Variants in ZNF878 observed in about 807,000 individuals in gnomAD.
The protein encoded by ZNF878 is zinc finger protein 878.
Under a neutral mutation model 11.1 loss-of-function variants are expected in ZNF878, and 10 were observed. The observed-to-expected ratio is 0.90, with a 90% confidence interval of 0.56 to 1.53. The LOEUF (loss-of-function observed/expected upper bound fraction) is 1.53, where lower values mean the gene tolerates loss of function less well. Among genes scored for constraint, ZNF878 ranks in the 40% most tolerant of loss-of-function variants. The pLI is 0.00. For synonymous variants in ZNF878, 165 were observed against 209.7 expected, an observed-to-expected ratio of 0.79 and a Z score of 1.84; for missense variants, 548 against 626.1, an observed-to-expected ratio of 0.88 and a Z score of 1.33.
intron 3 of ZNF878, among the ~76,000 whole-genome samples, chr19:12,045,766 C>T (rs1452991580): frequency 6.6e-6 from 1 of 151,994 alleles, no homozygotes; most frequent in Non-Finnish European, 1.5e-5. Context: ...CTCACTCTGT[C>T]GTCAGGCTGG....
At chr19:12,052,709 AG>A in intron 1 of ZNF878, 89 bp downstream of exon 1, 7 of 1,464,694 alleles carry the variant, frequency 4.8e-6, no homozygotes, top group South Asian at 1.2e-5. Flanking sequence ...GAGTCGCTGC[AG>A]GGGGGCCCGG....
rs575721762 is a variant in ZNF878, at chr19:12,044,128, A to G, written c.1273T>C (p.Cys425Arg). ...RTHTGEKPYG[C>R]KQCGKVFRVA... ...CTAAAGACTTTACCACATTGCTTAC[A>G]TCCATAGGGTTTCTCTCCTGTGTGA... Residue 425 changes from cysteine to arginine, a missense_variant, in exon 4 of 4, where the codon TGT becomes CGT. Cys to Arg is a radical substitution (Grantham distance 180). Transcript: ENST00000547628. 1.2e-6 allele frequency: 2 copies of G among 1,613,910 alleles called. No homozygotes were observed. Among genetic ancestry groups the G allele is most frequent in the South Asian group, 2.2e-5 (2 of 91,054 alleles).
rs1185377059 is a variant in ZNF878 at position 12,052,791 on chromosome 19, A to T, written c.3+8T>A. On this transcript the variant is annotated splice_region_variant and intron_variant, in intron 1 of 3. Transcript: ENST00000547628. ...TCGCCTTGGGACTCCCCAGCACCGC[A>T]TGCTCACCATTTCCTGGCTTCCAGG... 20 of 1,535,622 alleles carry T rather than the reference A, an allele frequency of 1.3e-5. No individual in the cohort carries two copies. Among genetic ancestry groups the T allele is most frequent in the Non-Finnish European group, 1.7e-5 (19 of 1,146,622 alleles).
chr19:12,051,570 G>C (rs1427039421), intron 1 of ZNF878, among the ~76,000 whole-genome samples: 2 of 150,800 alleles, frequency 1.3e-5, no homozygotes, highest in Non-Finnish European at 3.0e-5. Flanking sequence ...TCAGGAGTTC[G>C]AGACCAGCCT....
intron 1 of ZNF878, among the ~76,000 whole-genome samples, chr19:12,049,460 C>CAAAAAAAAAAA (rs59577895): frequency 0.12 from 4,275 of 35,966 alleles, 1,378 homozygotes; most frequent in Middle Eastern, 0.25. Flanking sequence ...GACTCCCTCT[C>CAAAAAAAAAAA]AAAAAAAAAA....
intron 3 of ZNF878, among the ~76,000 whole-genome samples, chr19:12,045,692 GATA>G (rs1467392021): frequency 6.6e-6 from 1 of 151,988 alleles, no homozygotes; most frequent in Non-Finnish European, 1.5e-5. Context: ...TATCAAAAAA[GATA>G]ATATTGATAC....
Position 12,044,471 on chromosome 19 carries a change from G to A in ZNF878, c.930C>T (p.Pro310=). ...VHERKHTGEK[P]YECKLCGKGF... is the part of the protein sequence containing the mutation. ...CCTTACCACATAGCTTACACTCATA[G>A]GGTTTCTCTCCAGTGTGTTTTCTTT... Residue 310 remains proline, a synonymous_variant, in exon 4 of 4, where the codon CCC becomes CCT. Coordinates refer to ENST00000547628, the MANE Select transcript of ZNF878 (RefSeq NM_001080404.3). 6.2e-7 allele frequency: 1 copy of A among 1,613,822 alleles called. No homozygotes were observed. The highest frequency in any genetic ancestry group is 8.5e-7 in the Non-Finnish European group (1 of 1,179,972).
At position 12,044,246 on chromosome 19, in the gene ZNF878, A is replaced by C. The variant is rs1401426482; in HGVS notation, c.1155T>G (p.His385Gln). Residue 385 changes from histidine (H) to glutamine (Q), a missense_variant, in exon 4 of 4, where the codon CAT (histidine) becomes CAG (glutamine). This residue lies in a region of ZNF878 where 335 missense variants were observed against 358.2 expected (regional missense o/e 0.94). Transcript: ENST00000547628. The stretch of plus-strand genomic sequence containing the variant: ...GTTTCTCTCCAGTGTGAGTCCTTTC[A>C]TGATAGTGAAAGGAATTGGAAGAAG... ...TFTSSNSFHY[H>Q]ERTHTGEKPY... 1.9e-6 allele frequency: 3 copies of C among 1,613,920 alleles called. No homozygotes were observed. In the African/African-American group the frequency reaches 4.0e-5, roughly 22 times the overall value.
chr19:12,046,361 C>A lies in ZNF878; in HGVS notation c.191+7G>T. 6.4e-7 allele frequency: 1 copy of A among 1,556,348 alleles called. No individual in the cohort carries two copies. The highest frequency in any genetic ancestry group is 2.3e-5 in the East Asian group (1 of 42,874). ...AGACATTGTTTTCTCTTTTAAGTGC[C>A]AGTTACCTTAGGTTTCTCCTAGGAT... On this transcript the variant is annotated splice_region_variant and intron_variant, in intron 3 of 3. Coordinates refer to ENST00000547628, the MANE Select transcript of ZNF878 (RefSeq NM_001080404.3).
At chr19:12,047,119 G>T (rs1355487806) in intron 1 of ZNF878, among the ~76,000 whole-genome samples, 1 of 152,086 alleles carries the variant, frequency 6.6e-6, no homozygotes, top group Non-Finnish European at 1.5e-5. Context: ...AATTTAACGT[G>T]AGCAGCCCTA....
In ZNF878 at chr19:12,043,885, G is replaced by A. The variant is rs765263501; in HGVS notation, c.1516C>T (p.Pro506Ser). The change falls in exon 4 of 4, where the codon CCC becomes TCC. Residue 506 changes from proline (P) to serine (S), a missense_variant. Coordinates refer to ENST00000547628, the MANE Select transcript of ZNF878 (RefSeq NM_001080404.3). ...YHERIHTGEK[P>S]YECKQCGKAF... Reference sequence around the variant, plus strand: ...TTACCACATTGCTTACACTCATAGGGTTTCTCTCCAGTATGAATCCTTTCA... The same window carrying A: ...TTACCACATTGCTTACACTCATAGGATTTCTCTCCAGTATGAATCCTTTCA... 3.7e-6 allele frequency: 6 copies of A among 1,614,128 alleles called. No homozygotes were observed. The highest frequency in any genetic ancestry group is 1.6e-4 in the Middle Eastern group (1 of 6,062).
chr19:12,050,167 G>T (rs543386894), intron 1 of ZNF878, among the ~76,000 whole-genome samples: 1 of 152,198 alleles, frequency 6.6e-6, no homozygotes, highest in African/African-American at 2.4e-5. Context: ...GGAGTTTGCA[G>T]TGAGCCAAGA....
At position 12,044,548 on chromosome 19, in the gene ZNF878, A is replaced by C. The variant is rs1353983359; in HGVS notation, c.853T>G (p.Cys285Gly). The C allele has an allele frequency of 6.2e-7, 1 of 1,613,894 alleles. No homozygotes were observed. Residue 285 changes from cysteine (C) to glycine (G), a missense_variant, in exon 4 of 4, where the codon TGT (cysteine) becomes GGT (glycine). Physicochemically the swap from Cys to Gly is radical, Grantham distance 159. Transcript: ENST00000547628. ...CTGAAGGCTTTCCTACATTGTGTAC[A>C]CTCATAGGGTTTCTCTCCACTGTGA... ...RTHSGEKPYE[C>G]TQCRKAFRSV...
intron 1 of ZNF878, 137 bp downstream of exon 1, chr19:12,052,662 G>A: frequency 9.1e-7 from 1 of 1,102,696 alleles, no homozygotes; most frequent in Non-Finnish European, 1.2e-6. Context: ...GGGGACCGAG[G>A]GCCGAGCTGC....
intron 1 of ZNF878, among the ~76,000 whole-genome samples, chr19:12,051,577 G>T (rs1330629570): frequency 2.0e-5 from 3 of 150,818 alleles, no homozygotes; most frequent in Admixed American, 1.3e-4. Flanking sequence ...TTCGAGACCA[G>T]CCTGGCCAAT....
rs189074815 is a variant in ZNF878 at position 12,044,338 on chromosome 19, G to A, written c.1063C>T (p.Arg355Ter). ...CCAGTGTGTGTCCTTTCATGTATTC[G>A]AAGATCCTTGACAAAACTGAAGGCT... ...VKAFSFVKDL[R>*]IHERTHTGEK... is the part of the protein sequence containing the mutation. Residue 355 changes from arginine (R) to a stop codon, truncating the protein, a stop_gained, in exon 4 of 4, where the codon CGA (arginine) becomes TGA (stop). Coordinates refer to ENST00000547628, the MANE Select transcript of ZNF878 (RefSeq NM_001080404.3). LOFTEE classifies it low-confidence loss of function (END_TRUNC). 3.8e-5 allele frequency: 61 copies of A among 1,612,400 alleles called. No individual in the cohort carries two copies. Among genetic ancestry groups the A allele is most frequent in the Admixed American group, 3.5e-4 (21 of 59,882 alleles).
At position 12,044,359 on chromosome 19, in the gene ZNF878, A is replaced by C; in HGVS notation, c.1042T>G (p.Phe348Val). The stretch of plus-strand genomic sequence containing the variant: ...ATTCGAAGATCCTTGACAAAACTGA[A>C]GGCTTTCACACATTTTTTACATTCA... Reference protein sequence around the residue: ...PYECKKCVKAFSFVKDLRIHE... With the variant: ...PYECKKCVKAVSFVKDLRIHE... Residue 348 changes from phenylalanine to valine, a missense_variant, in exon 4 of 4, where the codon TTC (phenylalanine) becomes GTC (valine). Coordinates refer to ENST00000547628, the MANE Select transcript of ZNF878 (RefSeq NM_001080404.3). 2 of 1,612,662 alleles carry C rather than the reference A, an allele frequency of 1.2e-6. No homozygotes were observed. Among genetic ancestry groups the C allele is most frequent in the Non-Finnish European group, 1.7e-6 (2 of 1,179,024 alleles).
At position 12,052,864 on chromosome 19, in the gene ZNF878, C is replaced by A; in HGVS notation, c.-63G>T. Reference sequence around the variant, plus strand: ...GTCCCGTGAACAGTGCAGGTCACAGCGCAGTCGACAGAGCAACAGCAGCTA... The same window carrying A: ...GTCCCGTGAACAGTGCAGGTCACAGAGCAGTCGACAGAGCAACAGCAGCTA... On this transcript the variant is annotated 5_prime_UTR_variant, in exon 1 of 4. Transcript: ENST00000547628. 2.6e-6 allele frequency: 4 copies of A among 1,533,022 alleles called. No homozygotes were observed. In the South Asian group the frequency reaches 3.6e-5, roughly 14 times the overall value. 95.0% of individuals were successfully genotyped at this position (1,533,022 alleles called of 1,614,324 possible).
chr19:12,052,272 C>T (rs2082398947), intron 1 of ZNF878, among the ~76,000 whole-genome samples: 1 of 152,196 alleles, frequency 6.6e-6, no homozygotes, highest in African/African-American at 2.4e-5. Context: ...CTCTCCTATT[C>T]GGCTCAGAAT....
Sources: gnomAD v4.1 joint callset for allele counts (sites outside exome capture counted in the v4.1 genomes callset) on GRCh38, gnomAD v4.1.1 for gene constraint, gnomAD v4.1.1 regional missense constraint, MANE v1.5 for transcripts, NCBI Gene and HGNC (gene_info 2026-07-23, HGNC 2026-07-21) for gene names.